Variants in KHDRBS2 observed in about 807,000 individuals in gnomAD.
The protein encoded by KHDRBS2 is KH RNA binding domain containing, signal transduction associated 2, also known as KH domain-containing, RNA-binding, signal transduction-associated protein 2.
A neutral mutation model predicts 44.3 loss-of-function variants in KHDRBS2; 26 were observed. That is an observed-to-expected ratio of 0.59 (90% CI 0.43 to 0.81). The LOEUF is 0.81. Ranked by LOEUF, KHDRBS2 falls within the 40% of genes least tolerant of loss-of-function variation. The probability of loss-of-function intolerance (pLI) is 0.00; values close to 1 mark genes in which losing one functional copy is unlikely to be tolerated. For missense variants in KHDRBS2, 476 were observed against 433.1 expected (o/e 1.10, Z -0.88); for synonymous variants, 194 against 151.1 (o/e 1.28, Z -2.08).
At chr6:62,262,399 A>G (rs1255513857) in intron 1 of KHDRBS2, among the ~76,000 whole-genome samples, 1 of 151,678 alleles carries the variant, frequency 6.6e-6, no homozygotes, top group Admixed American at 6.6e-5. Flanking sequence ...ATTAACCCCA[A>G]CTGAAATTAC....
At chr6:61,604,645 G>A in the KHDRBS2 span, among the ~76,000 whole-genome samples, 1 of 151,978 alleles carries the variant, frequency 6.6e-6, no homozygotes, top group Non-Finnish European at 1.5e-5. Flanking sequence ...CCATCTGCTA[G>A]TCTACTACTC....
intron 2 of KHDRBS2, among the ~76,000 whole-genome samples, chr6:62,103,296 C>T (rs781489375): frequency 6.6e-5 from 10 of 152,118 alleles, no homozygotes; most frequent in South Asian, 6.2e-4. Context: ...TGCTGGGCCC[C>T]GGTTGTCCAC....
At chr6:61,595,121 A>C in the KHDRBS2 span, among the ~76,000 whole-genome samples, 1 of 152,116 alleles carries the variant, frequency 6.6e-6, no homozygotes, top group African/African-American at 2.4e-5. Flanking sequence ...ATACTATATA[A>C]AATTCTTATT....
chr6:62,182,182 C>T (rs982377896), intron 1 of KHDRBS2, among the ~76,000 whole-genome samples: 4 of 151,948 alleles, frequency 2.6e-5, no homozygotes, highest in Non-Finnish European at 5.9e-5. Flanking sequence ...GTTTGTAAGG[C>T]ACTCCATTTA....
At chr6:62,115,546 T>C (rs1011316426) in intron 2 of KHDRBS2, among the ~76,000 whole-genome samples, 1 of 152,198 alleles carries the variant, frequency 6.6e-6, no homozygotes, top group Admixed American at 6.6e-5. Context: ...TGATCTTTCA[T>C]AAAAATATAA....
the KHDRBS2 span, among the ~76,000 whole-genome samples, chr6:61,561,870 C>T: frequency 3.3e-4 from 50 of 152,118 alleles, no homozygotes; most frequent in Non-Finnish European, 6.2e-4. Context: ...TATCTCTTCC[C>T]TCCCCACTCC....
At chr6:61,980,507 G>T (rs1209382086) in intron 3 of KHDRBS2, among the ~76,000 whole-genome samples, 1 of 152,086 alleles carries the variant, frequency 6.6e-6, no homozygotes, top group Non-Finnish European at 1.5e-5. Context: ...GTCTTATGTT[G>T]CCTGGTCAAA....
chr6:61,589,647 A>G, the KHDRBS2 span, among the ~76,000 whole-genome samples: 1 of 152,154 alleles, frequency 6.6e-6, no homozygotes, highest in East Asian at 1.9e-4. Flanking sequence ...ACTGGATAGG[A>G]ACAAGTTAAG....
At chr6:62,245,263 A>G (rs942273930) in intron 1 of KHDRBS2, among the ~76,000 whole-genome samples, 4 of 152,014 alleles carry the variant, frequency 2.6e-5, no homozygotes, top group South Asian at 2.1e-4. Context: ...CAGTATTTTA[A>G]TCTCATAAAT....
intron 4 of KHDRBS2, among the ~76,000 whole-genome samples, chr6:61,919,157 CTG>C (rs1026751616): frequency 1.3e-5 from 2 of 151,738 alleles, no homozygotes; most frequent in Non-Finnish European, 2.9e-5. Context: ...GGGAACAAGA[CTG>C]TATGAAATTA....
chr6:61,954,958 GTATA>G (rs1238787126), intron 4 of KHDRBS2, among the ~76,000 whole-genome samples: 476 of 135,484 alleles, frequency 3.5e-3, no homozygotes, highest in Non-Finnish European at 4.6e-3. Flanking sequence ...ACATATATAT[GTATA>G]TATACGCATA....
intron 2 of KHDRBS2, among the ~76,000 whole-genome samples, chr6:62,140,217 T>C (rs1812499297): frequency 6.6e-6 from 1 of 152,194 alleles, no homozygotes; most frequent in Non-Finnish European, 1.5e-5. Context: ...GTAAAAATCA[T>C]TAATACAATG....
At chr6:62,076,618 T>C (rs2127350632) in intron 2 of KHDRBS2, among the ~76,000 whole-genome samples, 1 of 152,124 alleles carries the variant, frequency 6.6e-6, no homozygotes, top group Admixed American at 6.6e-5. Flanking sequence ...GATTAAAGGG[T>C]CTTGATGTCA....
At chr6:61,948,770 C>T (rs1764140408) in intron 4 of KHDRBS2, among the ~76,000 whole-genome samples, 2 of 151,336 alleles carry the variant, frequency 1.3e-5, no homozygotes, top group South Asian at 2.1e-4. Flanking sequence ...CCTCAGCCTC[C>T]CATGTAGCTG....
chr6:61,603,037 T>C, the KHDRBS2 span, among the ~76,000 whole-genome samples: 1 of 152,138 alleles, frequency 6.6e-6, no homozygotes, highest in African/African-American at 2.4e-5. Flanking sequence ...CAACAGATGA[T>C]GCACCCCTTA....
At chr6:62,041,374 A>C (rs1010613818) in intron 3 of KHDRBS2, among the ~76,000 whole-genome samples, 1 of 152,132 alleles carries the variant, frequency 6.6e-6, no homozygotes, top group African/African-American at 2.4e-5. Context: ...AGTAAAGCTT[A>C]TGACCTAAAA....
chr6:61,986,864 T>C (rs1209763594), intron 3 of KHDRBS2, among the ~76,000 whole-genome samples: 2 of 152,088 alleles, frequency 1.3e-5, no homozygotes. Flanking sequence ...CTAAACTTAA[T>C]TACCCCCAAA....
At chr6:61,546,699 G>T in the KHDRBS2 span, among the ~76,000 whole-genome samples, 5 of 151,998 alleles carry the variant, frequency 3.3e-5, no homozygotes, top group African/African-American at 1.2e-4. Context: ...CGGTGGTGGG[G>T]TAAATCAAAG....
chr6:61,742,040 G>A (rs1210804431), intron 6 of KHDRBS2, among the ~76,000 whole-genome samples: 1 of 151,800 alleles, frequency 6.6e-6, no homozygotes. Context: ...AGTGAAAAGA[G>A]CAATAATAAT....
Sources: gnomAD v4.1 joint callset for allele counts (sites outside exome capture counted in the v4.1 genomes callset) on GRCh38, gnomAD v4.1.1 for gene constraint, MANE v1.5 for transcripts, NCBI Gene and HGNC (gene_info 2026-07-23, HGNC 2026-07-21) for gene names.